Variants in TPST2 observed in about 807,000 individuals in gnomAD.
The protein encoded by TPST2 is protein-tyrosine sulfotransferase 2.
A neutral mutation model predicts 27.8 loss-of-function variants in TPST2; 16 were observed. The observed-to-expected ratio is 0.58, with a 90% CI of 0.39 to 0.88. The LOEUF is 0.88. Among genes scored for constraint, TPST2 ranks in the 40% least tolerant of loss-of-function variants. TPST2 has a pLI of 0.00. For synonymous variants in TPST2, 229 were observed against 231.7 expected, an observed-to-expected ratio of 0.99 and a Z score of 0.10; for missense variants, 464 against 543.1, an observed-to-expected ratio of 0.85 and a Z score of 1.45.
chr22:26,572,697 G>A (rs764084419), intron 1 of TPST2, among the ~76,000 whole-genome samples: 47 of 152,166 alleles, frequency 3.1e-4, no homozygotes, highest in Non-Finnish European at 5.6e-4. Flanking sequence ...ATTCTGTATG[G>A]TAAATGCTGT....
chr22:26,557,521 C>G (rs776007923), intron 1 of TPST2, among the ~76,000 whole-genome samples: 2 of 152,108 alleles, frequency 1.3e-5, no homozygotes, highest in Non-Finnish European at 2.9e-5. Flanking sequence ...GAGAAATCAG[C>G]AGTGGTGAGC....
chr22:26,554,926 A>C (rs1016276299), intron 1 of TPST2, among the ~76,000 whole-genome samples: 1 of 140,296 alleles, frequency 7.1e-6, no homozygotes, highest in Non-Finnish European at 1.6e-5. Flanking sequence ...TGACACAGCA[A>C]GACTCTGTCT....
chr22:26,573,157 T>C (rs1010259763), intron 1 of TPST2, among the ~76,000 whole-genome samples: 3 of 152,270 alleles, frequency 2.0e-5, no homozygotes, highest in Admixed American at 1.3e-4. Context: ...CCTCAGCCCC[T>C]CGAGTAGAGA....
At chr22:26,581,019 TACACACACACACACACACACACACAC>T (rs10540036) in intron 1 of TPST2, among the ~76,000 whole-genome samples, 3 of 120,168 alleles carry the variant, frequency 2.5e-5, no homozygotes, top group Non-Finnish European at 3.9e-5. Flanking sequence ...TCAACATACA[TACACACACACACACACACACACACAC>T]ACACACACGC....
chr22:26,540,094 C>G (rs561931313), intron 3 of TPST2, among the ~76,000 whole-genome samples: 1 of 152,252 alleles, frequency 6.6e-6, no homozygotes, highest in South Asian at 2.1e-4. Context: ...CATTTATTAA[C>G]CTATTTGATG....
chr22:26,573,614 G>C (rs529061245), intron 1 of TPST2, among the ~76,000 whole-genome samples: 4 of 152,202 alleles, frequency 2.6e-5, no homozygotes, highest in African/African-American at 4.8e-5. Context: ...AAGTGAAAAG[G>C]CTTGACCAAG....
chr22:26,546,406 A>C (rs1488788770), intron 1 of TPST2, among the ~76,000 whole-genome samples: 1 of 152,218 alleles, frequency 6.6e-6, no homozygotes, highest in African/African-American at 2.4e-5. Flanking sequence ...AACAAAACCA[A>C]TTAGGAACCA....
At chr22:26,576,835 AC>A (rs1927856502) in intron 1 of TPST2, among the ~76,000 whole-genome samples, 1 of 151,536 alleles carries the variant, frequency 6.6e-6, no homozygotes, top group African/African-American at 2.4e-5. Flanking sequence ...GGTGGCTCAC[AC>A]CTGTAATCCC....
At chr22:26,585,373 C>A (rs186613687) in intron 1 of TPST2, among the ~76,000 whole-genome samples, 28 of 152,284 alleles carry the variant, frequency 1.8e-4, no homozygotes, top group African/African-American at 6.5e-4. Context: ...TCCTTCCCTG[C>A]AATTTCTGGG....
At chr22:26,571,662 C>G (rs1229789483) in intron 1 of TPST2, among the ~76,000 whole-genome samples, 2 of 152,188 alleles carry the variant, frequency 1.3e-5, no homozygotes, top group African/African-American at 4.8e-5. Context: ...CAATTCTCCA[C>G]TAGTCTGTCA....
intron 1 of TPST2, among the ~76,000 whole-genome samples, chr22:26,563,391 T>C (rs896479850): frequency 1.8e-4 from 26 of 148,164 alleles, no homozygotes; most frequent in African/African-American, 6.5e-4. Flanking sequence ...TGCAGTGGCG[T>C]GATCTCAGCT....
intron 6 of TPST2, among the ~76,000 whole-genome samples, chr22:26,527,034 G>A (rs1602245407): frequency 6.6e-6 from 1 of 152,166 alleles, no homozygotes; most frequent in South Asian, 2.1e-4. Flanking sequence ...AGCTGAGATC[G>A]TGCCACTGCA....
intron 6 of TPST2, among the ~76,000 whole-genome samples, chr22:26,527,880 A>T (rs1924926841): frequency 6.6e-6 from 1 of 152,220 alleles, no homozygotes; most frequent in South Asian, 2.1e-4. Flanking sequence ...GGCAGACAGC[A>T]TTCTGTGCAA....
chr22:26,533,064 C>T (rs1925257033), intron 4 of TPST2, among the ~76,000 whole-genome samples: 2 of 152,062 alleles, frequency 1.3e-5, no homozygotes, highest in South Asian at 4.1e-4. Flanking sequence ...GAAAAAAGTA[C>T]AGTAAAGAGG....
At position 26,541,303 on chromosome 22, in the gene TPST2, G is replaced by C; in HGVS notation, c.328C>G (p.Arg110Gly). The change falls in exon 3 of 7, where the codon CGC becomes GGC. Residue 110 changes from arginine to glycine, a missense_variant. Coordinates refer to ENST00000338754, the MANE Select transcript of TPST2 (RefSeq NM_003595.5). This position sits in a 1 kb window ranked among gnomAD's most constrained non-coding sequence, Gnocchi z 5.9. ...TRIIPRVLAM[R>G]QAWSKSGREK... ...CGGCCAGACTTGGACCAGGCCTGGC[G>C]CATGGCCAGCACGCGCGGGATGATG... is the stretch of plus-strand genomic sequence containing the variant. The C allele has an allele frequency of 6.5e-7, 1 of 1,542,362 alleles. No homozygotes were observed. The highest frequency in any genetic ancestry group is 8.8e-7 in the Non-Finnish European group (1 of 1,142,672).
chr22:26,550,700 T>G, intron 1 of TPST2: 1 of 979,790 alleles, frequency 1.0e-6, no homozygotes, highest in Non-Finnish European at 1.2e-6. Context: ...CCATGGCTAT[T>G]CCCAACCCTA....
intron 1 of TPST2, chr22:26,550,777 G>A (rs963814346): frequency 9.8e-6 from 5 of 510,294 alleles, no homozygotes; most frequent in Non-Finnish European, 1.0e-5. Flanking sequence ...CTGGGGAGAC[G>A]CAGGTCTCTT....
intron 1 of TPST2, among the ~76,000 whole-genome samples, chr22:26,546,802 A>G (rs1926150297): frequency 6.6e-6 from 1 of 152,206 alleles, no homozygotes. Context: ...TGATGGCCCA[A>G]TCCAACCCAG....
chr22:26,573,699 T>C lies in TPST2; in HGVS notation c.-161+16354A>G, dbSNP rs138056876. Among the ~76,000 whole-genome samples the C allele has an allele frequency of 8.6e-3, 1,311 of 152,318 alleles. 16 individuals carry two copies. The highest frequency in any genetic ancestry group is 0.014 in the Non-Finnish European group (961 of 68,012). On this transcript the variant is annotated intron_variant, in intron 1 of 6. Coordinates refer to ENST00000338754, the MANE Select transcript of TPST2 (RefSeq NM_003595.5). ...AAGATGGCCTCAACCTTTTTTTTTGTGGTTCATCCAGGAAGCATGAGGCCT... is the reference window on the plus strand; with the variant it reads ...AAGATGGCCTCAACCTTTTTTTTTGCGGTTCATCCAGGAAGCATGAGGCCT...
Sources: allele counts gnomAD v4.1 joint callset (sites outside exome capture counted in the v4.1 genomes callset), GRCh38; gene constraint gnomAD v4.1.1; non-coding constraint Gnocchi (gnomAD v3.1); transcripts MANE v1.5; gene names NCBI Gene and HGNC (gene_info 2026-07-23, HGNC 2026-07-21).